CALM2: variants seen among roughly 807,000 people sequenced by gnomAD.
CALM2 encodes the protein calmodulin 2.
In CALM2, 2 loss-of-function variants were observed where a neutral mutation model predicts 19.8. The observed-to-expected ratio is 0.10, with a 90% CI of 0.04 to 0.32. The LOEUF is 0.32. Ranked by LOEUF, CALM2 falls within the 10% of genes least tolerant of loss-of-function variation. The pLI is 1.00. For synonymous variants in CALM2, 51 were observed against 52.1 expected (o/e 0.98, Z 0.09); for missense variants, 38 against 178.7 (o/e 0.21, Z 4.49).
chr2:47,175,081 G>GTTTTGTT (rs1553433849), intron 1 of CALM2, among the ~76,000 whole-genome samples: 7 of 77,964 alleles, frequency 9.0e-5, no homozygotes, highest in Non-Finnish European at 1.2e-4. Flanking sequence ...CTCATTAGGT[G>GTTTTGTT]TTTTTTTTTT....
intron 2 of CALM2, among the ~76,000 whole-genome samples, chr2:47,167,048 C>T (rs1666497738): frequency 6.6e-6 from 1 of 152,094 alleles, no homozygotes. Context: ...AATAGGTTAT[C>T]ACAAGACAAT....
At chr2:47,176,232 T>G in intron 1 of CALM2, 1 of 585,148 alleles carries the variant, frequency 1.7e-6, no homozygotes, top group South Asian at 2.2e-5. Flanking sequence ...GGCCCTCAAC[T>G]CACTAGAGGA....
chr2:47,170,894 G>T, intron 1 of CALM2, 130 bp from the exon 2 acceptor site: 1 of 754,986 alleles, frequency 1.3e-6, no homozygotes, highest in Non-Finnish European at 2.4e-6. Context: ...AACACATCTG[G>T]ATAGAAAATG....
chr2:47,162,610 T>A lies in CALM2; in HGVS notation c.87A>T (p.Thr29=). ...TCATTACAGTTCCCAATTCCTTTGT[T>A]GTTATAGTTCCATCACCATCTTTGT... ...LFDKDGDGTI[T]TKELGTVMRS... is the part of the protein sequence containing the mutation. Residue 29 remains threonine (T), a synonymous_variant, in exon 3 of 6, where the codon ACA becomes ACT. Transcript: ENST00000272298. 1 of 1,613,062 alleles carries A rather than the reference T, an allele frequency of 6.2e-7. No individual in the cohort carries two copies. The highest frequency in any genetic ancestry group is 1.3e-5 in the African/African-American group (1 of 75,040).
chr2:47,163,321 T>C (rs1439120163), intron 2 of CALM2: 1 of 152,214 alleles, frequency 6.6e-6, no homozygotes, highest in Non-Finnish European at 1.5e-5. Context: ...TAAATGCATG[T>C]CACTGAGAAC....
At chr2:47,172,806 T>C (rs1417083674) in intron 1 of CALM2, 1 of 3,016 alleles carries the variant, frequency 3.3e-4, no homozygotes, top group African/African-American at 6.9e-4. Context: ...TCTACATGGG[T>C]TGGGGGGGGG....
chr2:47,173,489 T>C (rs1416001243), intron 1 of CALM2: 4 of 152,236 alleles, frequency 2.6e-5, no homozygotes, highest in Admixed American at 1.3e-4. Flanking sequence ...TGTACTAGAA[T>C]GTTCATTTTG....
intron 4 of CALM2, 127 bp from the exon 5 acceptor site, chr2:47,161,985 TAC>T (rs1687170824): frequency 6.5e-6 from 5 of 771,394 alleles, no homozygotes; most frequent in South Asian, 1.8e-5. Context: ...CATACAAATC[TAC>T]ACAGTTGACC....
intron 1 of CALM2, chr2:47,172,795 C>A (rs914284935): frequency 1.5e-5 from 1 of 64,884 alleles, no homozygotes. Flanking sequence ...GGTTCGTTCT[C>A]TCTACATGGG....
At chr2:47,173,682 T>C (rs534121108) in intron 1 of CALM2, 35 of 152,212 alleles carry the variant, frequency 2.3e-4, no homozygotes, top group African/African-American at 7.5e-4. Flanking sequence ...TGTGAGCCCA[T>C]AGGCTTGAAA....
rs1253646814 is a variant in CALM2, at chr2:47,175,033, C to T, written c.3+1408G>A. On this transcript the variant is annotated intron_variant, in intron 1 of 5. Coordinates refer to ENST00000272298, the MANE Select transcript of CALM2 (RefSeq NM_001743.6). ...CACACCCATCGCTGTAACCACTTGG[C>T]AGGAGGAACCACAAAGTAAGTATCA... 2.7e-5 allele frequency among the ~76,000 whole-genome samples: 4 copies of T among 146,144 alleles called. No homozygotes were observed. The East Asian group carries it at 8.2e-4, about 30-fold the overall frequency.
chr2:47,176,904 C>T (rs533944934), upstream of CALM2: 20 of 985,280 alleles, frequency 2.0e-5, no homozygotes, highest in East Asian at 1.1e-4. Context: ...CGGCTTCTGC[C>T]GTTGCTGCTC....
chr2:47,172,415 T>G, intron 1 of CALM2: 1 of 707,428 alleles, frequency 1.4e-6, no homozygotes, highest in Non-Finnish European at 2.3e-6. Context: ...AATACTTACC[T>G]TGCAGGGTTG....
At chr2:47,176,929 T>C (rs58210861), upstream of CALM2, 2,262 of 985,424 alleles carry the variant, frequency 2.3e-3, 42 homozygotes, top group African/African-American at 0.034. Flanking sequence ...CGCGCTGTCC[T>C]GGCAACTGCG....
chr2:47,167,901 T>TG (rs1403245618), intron 2 of CALM2, among the ~76,000 whole-genome samples: 1 of 149,248 alleles, frequency 6.7e-6, no homozygotes, highest in Non-Finnish European at 1.5e-5. Context: ...CCCAAAGTGT[T>TG]GGGATTAGAC....
At chr2:47,168,709 T>A (rs1395483030) in intron 2 of CALM2, among the ~76,000 whole-genome samples, 4 of 151,886 alleles carry the variant, frequency 2.6e-5, no homozygotes, top group African/African-American at 9.7e-5. Flanking sequence ...AGTGAAACTG[T>A]CTCAAAATAA....
chr2:47,175,960 C>T (rs1171190229), intron 1 of CALM2, among the ~76,000 whole-genome samples: 1 of 151,734 alleles, frequency 6.6e-6, no homozygotes, highest in Non-Finnish European at 1.5e-5. Context: ...CAGGGCCCCG[C>T]GCGCTCCTCC....
chr2:47,166,397 T>A (rs750069591), intron 2 of CALM2, among the ~76,000 whole-genome samples: 3 of 152,230 alleles, frequency 2.0e-5, no homozygotes, highest in Non-Finnish European at 2.9e-5. Context: ...TATTACATGA[T>A]TTAACAAAAA....
chr2:47,166,636 A>C (rs1282643771), intron 2 of CALM2, among the ~76,000 whole-genome samples: 1 of 152,224 alleles, frequency 6.6e-6, no homozygotes, highest in Non-Finnish European at 1.5e-5. Flanking sequence ...AGAGTAAAAA[A>C]TACCTGTAAA....
Sources: allele counts gnomAD v4.1 joint callset (sites outside exome capture counted in the v4.1 genomes callset), GRCh38; gene constraint gnomAD v4.1.1; transcripts MANE v1.5; gene names NCBI Gene and HGNC (gene_info 2026-07-23, HGNC 2026-07-21).